Variants in ZC4H2 observed in about 807,000 individuals in gnomAD.
ZC4H2 encodes zinc finger C4H2-type containing.
For missense variants in ZC4H2, 137 were observed against 173.9 expected, an observed-to-expected ratio of 0.79 and a Z score of 1.19; for synonymous variants, 84 against 66.3, an observed-to-expected ratio of 1.27 and a Z score of -1.30.
At chrX:64,973,612 A>G (rs761877517) in intron 1 of ZC4H2, among the ~76,000 whole-genome samples, 33 of 110,985 alleles carry the variant, frequency 3.0e-4, no homozygotes, top group Non-Finnish European at 5.3e-4. Flanking sequence ...TGCATTAACC[A>G]TGCTTTTGCT....
intron 1 of ZC4H2, among the ~76,000 whole-genome samples, chrX:64,950,884 C>T (rs780132220): frequency 1.2e-4 from 13 of 110,088 alleles, no homozygotes; most frequent in African/African-American, 4.3e-4. Flanking sequence ...TATACATTTG[C>T]CATGCTGGTG....
rs1346628793 is a variant in ZC4H2, at chrX:64,915,882, T to G, written c.*1901A>C. On this transcript the variant is annotated 3_prime_UTR_variant, in exon 5 of 5. Transcript: ENST00000374839. The stretch of plus-strand genomic sequence containing the variant: ...ATTCCCTGACAAGCACAGAGACAGA[T>G]TAGTGTACAGGATATTATTTAGAGA... The G allele has an allele frequency of 8.9e-6, 1 of 111,975 alleles. No individual in the cohort carries two copies. The highest frequency in any genetic ancestry group is 1.9e-5 in the Non-Finnish European group (1 of 53,213). The allele number at this position is 111,975 out of a possible 1,213,427, so 9.2% of individuals were successfully genotyped here. A position where few individuals can be genotyped will look rare whatever the true frequency, so the allele number is the denominator to read the frequency against.
intron 1 of ZC4H2, among the ~76,000 whole-genome samples, chrX:65,024,065 A>C (rs930043897): frequency 1.8e-5 from 2 of 109,252 alleles, no homozygotes; most frequent in African/African-American, 6.6e-5. Context: ...ATGAGAACAC[A>C]TGGACACAGT....
chrX:64,986,303 T>C lies in ZC4H2; in HGVS notation c.-272+48326A>G, dbSNP rs186362212. On this transcript the variant is annotated intron_variant, in intron 1 of 4. Transcript: ENST00000337990. ...ATTAGTCCTCCAGTCCCAAGCTAGA[T>C]GCTCTGCCTTCCATGTTTCAAGATG... Among the ~76,000 whole-genome samples the C allele has an allele frequency of 5.5e-3, 621 of 112,262 alleles. 18 individuals are homozygous for C. Among genetic ancestry groups the C allele is most frequent in the Admixed American group, 0.051 (538 of 10,624 alleles).
rs1266103962 is a variant in ZC4H2, at chrX:64,954,352, ATAAT to A, written c.53+21969_53+21972del. Among the ~76,000 whole-genome samples, 22 of 71,147 alleles carry A rather than the reference ATAAT, an allele frequency of 3.1e-4. 4 individuals carry two copies. The highest frequency in any genetic ancestry group is 2.0e-3 in the African/African-American group (19 of 9,541). The allele number at this position is 71,147 out of a possible 115,157, so 61.8% of individuals were successfully genotyped here. The stretch of plus-strand genomic sequence containing the variant: ...TATATATATATAATTATATATATAT[ATAAT>A]TATATATATATATATAATTATATAT... On this transcript the variant is annotated intron_variant, in intron 1 of 4. Transcript: ENST00000374839.
upstream of ZC4H2, among the ~76,000 whole-genome samples, chrX:64,980,141 A>G (rs975314522): frequency 5.1e-4 from 57 of 112,262 alleles, 1 homozygote; most frequent in African/African-American, 1.6e-3. Context: ...CAGCATTTCT[A>G]AGAGAAAAGT....
At chrX:64,939,246 T>C (rs1472239203) in intron 1 of ZC4H2, among the ~76,000 whole-genome samples, 2 of 111,663 alleles carry the variant, frequency 1.8e-5, no homozygotes, top group South Asian at 3.8e-4. Context: ...GTGAAGGTTA[T>C]CTTCAAGGAG....
At chrX:64,947,854 T>C (rs895637913) in intron 1 of ZC4H2, among the ~76,000 whole-genome samples, 2 of 110,784 alleles carry the variant, frequency 1.8e-5, no homozygotes, top group African/African-American at 3.3e-5. Flanking sequence ...TCTTTTTTTT[T>C]TTTTTGTTTA....
At chrX:64,971,182 A>G (rs1460777150) in intron 1 of ZC4H2, among the ~76,000 whole-genome samples, 3 of 112,592 alleles carry the variant, frequency 2.7e-5, no homozygotes, top group African/African-American at 9.7e-5. Context: ...TATTTTTCAA[A>G]AAGATTGTCA....
At chrX:64,962,743 CT>C (rs1471369942) in intron 1 of ZC4H2, among the ~76,000 whole-genome samples, 1 of 111,650 alleles carries the variant, frequency 9.0e-6, no homozygotes, top group African/African-American at 3.2e-5. Context: ...TTTCTGTACA[CT>C]ATCAACAAAC....
At chrX:65,001,377 T>C (rs28835397) in intron 1 of ZC4H2, among the ~76,000 whole-genome samples, 1 of 111,734 alleles carries the variant, frequency 8.9e-6, no homozygotes, top group Non-Finnish European at 1.9e-5. Context: ...GTAAAATCCT[T>C]TACAGACAAG....
At chrX:65,032,078 A>G (rs758169391) in intron 1 of ZC4H2, among the ~76,000 whole-genome samples, 12 of 111,367 alleles carry the variant, frequency 1.1e-4, no homozygotes, top group Non-Finnish European at 2.1e-4. Context: ...TTACCTTTCT[A>G]TCGTAGTAAA....
At chrX:64,986,536 C>T (rs1293165017) in intron 1 of ZC4H2, among the ~76,000 whole-genome samples, 4 of 111,684 alleles carry the variant, frequency 3.6e-5, no homozygotes, top group East Asian at 2.8e-4. Context: ...TGGAGTATGA[C>T]GTAAATTAGT....
chrX:65,012,019 C>T (rs1280708878), intron 1 of ZC4H2, among the ~76,000 whole-genome samples: 1 of 108,524 alleles, frequency 9.2e-6, no homozygotes, highest in African/African-American at 3.4e-5. Flanking sequence ...CTTTGAGTGG[C>T]CTACATTAAT....
intron 1 of ZC4H2, among the ~76,000 whole-genome samples, chrX:64,939,761 C>A (rs776263495): frequency 8.9e-6 from 1 of 112,054 alleles, no homozygotes; most frequent in East Asian, 2.8e-4. Flanking sequence ...CCCTTACTTA[C>A]ACCTTATACA....
At chrX:65,018,549 T>C (rs923879007) in intron 1 of ZC4H2, among the ~76,000 whole-genome samples, 15 of 111,938 alleles carry the variant, frequency 1.3e-4, no homozygotes, top group Non-Finnish European at 3.8e-5. Context: ...ACCAAGAGAT[T>C]CCCTCCGGTG....
rs183548558 is a variant in ZC4H2 at position 64,916,857 on chromosome X, G to A, written c.*926C>T. ...AGTCCCACCCACCTTCATGTGTAAA[G>A]TGATTGGCATTTACTCAAATCTAAA... On this transcript the variant is annotated 3_prime_UTR_variant, in exon 5 of 5. Coordinates refer to ENST00000374839, the MANE Select transcript of ZC4H2 (RefSeq NM_018684.4). 1.8e-5 allele frequency: 2 copies of A among 112,224 alleles called. No individual in the cohort carries two copies. Among genetic ancestry groups the A allele is most frequent in the African/African-American group, 6.5e-5 (2 of 30,824 alleles). 9.2% of individuals were successfully genotyped at this position (112,224 alleles called of 1,213,427 possible).
chrX:64,954,930 C>T (rs1354608335), intron 1 of ZC4H2, among the ~76,000 whole-genome samples: 3 of 111,340 alleles, frequency 2.7e-5, no homozygotes, highest in Admixed American at 9.6e-5. Flanking sequence ...TGCTATGTAC[C>T]TAATTTGGAG....
At chrX:64,980,054 A>G (rs1602435768), upstream of ZC4H2, among the ~76,000 whole-genome samples, 1 of 112,510 alleles carries the variant, frequency 8.9e-6, no homozygotes, top group East Asian at 2.8e-4. Flanking sequence ...CAGAGATGCA[A>G]CAACAGTCTT....
Sources: gnomAD v4.1 joint callset for allele counts (sites outside exome capture counted in the v4.1 genomes callset) on GRCh38, gnomAD v4.1.1 for gene constraint, MANE v1.5 for transcripts, NCBI Gene and HGNC (gene_info 2026-07-23, HGNC 2026-07-21) for gene names.